The following SEMA4D variants were observed in gnomAD, a reference collection of about 807,000 sequenced individuals.
SEMA4D encodes the protein semaphorin 4D, also known as semaphorin-4D.
In SEMA4D, 22 loss-of-function variants were observed where a neutral mutation model predicts 74.8. That is an observed-to-expected ratio of 0.29 (90% CI 0.21 to 0.42). The LOEUF is 0.42. SEMA4D is among the 10% of genes least tolerant of loss of function. The pLI is 1.00. For missense variants in SEMA4D, 937 were observed against 1,118.4 expected (o/e 0.84, Z 2.31); for synonymous variants, 445 against 463.7 (o/e 0.96, Z 0.52).
At chr9:89,432,256 T>C (rs1587844857) in intron 2 of SEMA4D, among the ~76,000 whole-genome samples, 1 of 152,326 alleles carries the variant, frequency 6.6e-6, no homozygotes, top group East Asian at 1.9e-4. Flanking sequence ...ATATAAGTAG[T>C]ATTATATAAG....
intron 6 of SEMA4D, among the ~76,000 whole-genome samples, chr9:89,395,626 A>G (rs1033884623): frequency 6.6e-6 from 1 of 152,188 alleles, no homozygotes; most frequent in Non-Finnish European, 1.5e-5. Flanking sequence ...AAGTAAATAC[A>G]AACGACTGTC....
intron 2 of SEMA4D, chr9:89,417,974 A>C (rs1587731728): frequency 2.0e-6 from 1 of 494,978 alleles, no homozygotes; most frequent in Non-Finnish European, 2.6e-6. Flanking sequence ...GCAACCAACC[A>C]CCTGCCAGAT....
chr9:89,485,526 C>A (rs1216477776), intron 1 of SEMA4D, among the ~76,000 whole-genome samples: 1 of 152,160 alleles, frequency 6.6e-6, no homozygotes, highest in East Asian at 1.9e-4. Context: ...CGGTGGCTCA[C>A]ACCTGTAATC....
downstream of SEMA4D, among the ~76,000 whole-genome samples, chr9:89,374,155 C>T (rs530595171): frequency 5.2e-4 from 79 of 152,292 alleles, no homozygotes; most frequent in African/African-American, 1.6e-3. Flanking sequence ...GTAAAGACCA[C>T]GTGAAAAGGG....
chr9:89,447,556 A>G (rs534405839), intron 2 of SEMA4D, among the ~76,000 whole-genome samples: 1 of 151,940 alleles, frequency 6.6e-6, no homozygotes, highest in Admixed American at 6.6e-5. Flanking sequence ...CTCTGGGTCC[A>G]CCTTCAAATA....
chr9:89,425,512 T>C (rs1229093900), intron 2 of SEMA4D, among the ~76,000 whole-genome samples: 1 of 152,224 alleles, frequency 6.6e-6, no homozygotes, highest in East Asian at 1.9e-4. Flanking sequence ...AAGGGGCTGC[T>C]CACACCTCCC....
chr9:89,377,166 A>C, downstream of SEMA4D: 1 of 1,430,836 alleles, frequency 7.0e-7, no homozygotes, highest in East Asian at 2.5e-5. Flanking sequence ...GAGCGAGCCC[A>C]GCTGTCCCGC....
chr9:89,462,409 C>T (rs1405541863), intron 1 of SEMA4D, among the ~76,000 whole-genome samples: 1 of 152,194 alleles, frequency 6.6e-6, no homozygotes. Context: ...GAAGTGGCCA[C>T]CAATGCTCTT....
chr9:89,377,219 G>C, downstream of SEMA4D: 2 of 986,766 alleles, frequency 2.0e-6, no homozygotes, highest in Non-Finnish European at 2.8e-6. Flanking sequence ...CTCCGCTAAG[G>C]AATGTCTTCC....
At chr9:89,385,208 T>C (rs901453439) in intron 13 of SEMA4D, 2 of 950,590 alleles carry the variant, frequency 2.1e-6, no homozygotes, top group Non-Finnish European at 2.5e-6. Context: ...TCAGTGCCCA[T>C]GTGCCCTGGA....
In SEMA4D at chr9:89,378,759, G is replaced by C; in HGVS notation, c.2534C>G (p.Pro845Arg). Reference sequence around the variant, plus strand: ...CTTCAGCTCACACTTGACGTCAAAGGGCTTGTCCCTGGCAGAAAGGTCGTC... The same window carrying C: ...CTTCAGCTCACACTTGACGTCAAAGCGCTTGTCCCTGGCAGAAAGGTCGTC... ...RIDDLSARDK[P>R]FDVKCELKFA... Residue 845 changes from proline to arginine, a missense_variant, in exon 16 of 16, where the codon CCC becomes CGC. Physicochemically the swap from Pro to Arg is moderately radical, Grantham distance 103. Transcript: ENST00000422704. 6.2e-7 allele frequency: 1 copy of C among 1,614,202 alleles called. No homozygotes were observed. Among genetic ancestry groups the C allele is most frequent in the South Asian group, 1.1e-5 (1 of 91,088 alleles).
intron 1 of SEMA4D, among the ~76,000 whole-genome samples, chr9:89,476,163 C>A (rs1288834646): frequency 1.3e-5 from 2 of 152,224 alleles, no homozygotes; most frequent in Non-Finnish European, 2.9e-5. Context: ...CCGATGATCT[C>A]TGGGCAAGAA....
chr9:89,417,027 A>C (rs1175239251), intron 2 of SEMA4D, among the ~76,000 whole-genome samples: 2 of 152,342 alleles, frequency 1.3e-5, no homozygotes, highest in Non-Finnish European at 2.9e-5. Context: ...AGAAGGAGCC[A>C]GTCCTCCTGG....
In SEMA4D at chr9:89,387,609, C is replaced by A; in HGVS notation, c.1108-1G>T. The A allele has an allele frequency of 6.2e-7, 1 of 1,613,764 alleles. No individual in the cohort carries two copies. The highest frequency in any genetic ancestry group is 8.5e-7 in the Non-Finnish European group (1 of 1,179,918). Reference sequence around the variant, plus strand: ...CGGCCCGTGCCTCGCTGTCGATGCACTGCAGGGAGAAAATCCCCGCTGTTA... The same window carrying A: ...CGGCCCGTGCCTCGCTGTCGATGCAATGCAGGGAGAAAATCCCCGCTGTTA... On this transcript the variant is annotated splice_acceptor_variant, in intron 11 of 15. Coordinates refer to ENST00000422704, the MANE Select transcript of SEMA4D (RefSeq NM_001371194.2). LOFTEE classifies it high-confidence loss of function.
chr9:89,438,867 G>A (rs751168468), intron 2 of SEMA4D, among the ~76,000 whole-genome samples: 122 of 145,534 alleles, frequency 8.4e-4, no homozygotes, highest in Non-Finnish European at 1.3e-3. Flanking sequence ...GGGTTTCACC[G>A]TGTTAGCCAG....
At chr9:89,397,111 G>C (rs1587557273) in intron 5 of SEMA4D, among the ~76,000 whole-genome samples, 1 of 152,280 alleles carries the variant, frequency 6.6e-6, no homozygotes, top group East Asian at 1.9e-4. Flanking sequence ...GCTGAAACTG[G>C]CCTGAGTAAT....
At chr9:89,399,195 C>T (rs1228763180) in intron 5 of SEMA4D, 81 bp downstream of exon 5, 8 of 1,235,826 alleles carry the variant, frequency 6.5e-6, no homozygotes, top group Non-Finnish European at 9.6e-6. Flanking sequence ...GCCTGCACTG[C>T]AGGCATGCTG....
chr9:89,379,093 G>A lies in SEMA4D; in HGVS notation c.2200C>T (p.Arg734Cys), dbSNP rs767629842. The change falls in exon 16 of 16, where the codon CGC becomes TGC. Residue 734 changes from arginine to cysteine, a missense_variant. By Grantham distance (180) the Arg-to-Cys change is radical (BLOSUM62 -3). Transcript: ENST00000422704. Reference protein sequence around the residue: ...KTMYLKSSDNRLLMSLFLFFF... With the variant: ...KTMYLKSSDNCLLMSLFLFFF... ...AAGAGGAAGAGGGACATGAGGAGGCGGTTGTCGCTGGACTTAAGATACATG... is the reference window on the plus strand; with the variant it reads ...AAGAGGAAGAGGGACATGAGGAGGCAGTTGTCGCTGGACTTAAGATACATG... 17 of 1,613,990 alleles carry A rather than the reference G, an allele frequency of 1.1e-5. No homozygotes were observed. In the East Asian group the frequency reaches 1.6e-4, roughly 15 times the overall value.
rs1469129815 is a variant in SEMA4D, at chr9:89,470,233, A to T, written c.-309-14280T>A. 2.6e-5 allele frequency among the ~76,000 whole-genome samples: 4 copies of T among 152,236 alleles called. No individual in the cohort carries two copies. The South Asian group carries it at 6.2e-4, about 24-fold the overall frequency. On this transcript the variant is annotated intron_variant, in intron 1 of 15. Coordinates refer to ENST00000422704, the MANE Select transcript of SEMA4D (RefSeq NM_001371194.2). ...TTGAGAGAAAATATTTGCAAATCAC[A>T]TATCTGACAAAGAACTTGTATTTAG...
Sources: allele counts gnomAD v4.1 joint callset (sites outside exome capture counted in the v4.1 genomes callset), GRCh38; gene constraint gnomAD v4.1.1; transcripts MANE v1.5; gene names NCBI Gene and HGNC (gene_info 2026-07-23, HGNC 2026-07-21).